Variants in DLGAP2 observed in about 807,000 individuals in gnomAD.
DLGAP2 encodes the protein DLG associated protein 2.
Under a neutral mutation model 100.3 loss-of-function variants are expected in DLGAP2, and 26 were observed. That is an observed-to-expected ratio of 0.26 (90% CI 0.19 to 0.36). The LOEUF (loss-of-function observed/expected upper bound fraction) is 0.36, where lower values mean the gene tolerates loss of function less well. Among genes scored for constraint, DLGAP2 ranks in the 10% least tolerant of loss-of-function variants. The pLI, the probability that DLGAP2 is intolerant of heterozygous loss-of-function variation, is 1.00. For synonymous variants in DLGAP2, 886 were observed against 630.1 expected (o/e 1.41, Z -6.08); for missense variants, 1,858 against 1,453.2 (o/e 1.28, Z -4.53).
intron 2 of DLGAP2, among the ~76,000 whole-genome samples, chr8:1,202,496 G>A (rs1006445350): frequency 3.3e-5 from 5 of 152,162 alleles, no homozygotes; most frequent in African/African-American, 1.2e-4. Context: ...GGAAGAAGGA[G>A]ATGTCAGACA....
chr8:1,133,727 A>T (rs1448408690), intron 2 of DLGAP2, among the ~76,000 whole-genome samples: 1 of 152,250 alleles, frequency 6.6e-6, no homozygotes, highest in East Asian at 1.9e-4. Context: ...CAATAGAATT[A>T]AGAGTAATCT....
At chr8:1,308,160 C>A (rs1247723312) in intron 3 of DLGAP2, among the ~76,000 whole-genome samples, 2 of 152,114 alleles carry the variant, frequency 1.3e-5, no homozygotes, top group Non-Finnish European at 2.9e-5. Flanking sequence ...AGCCAGGGTA[C>A]GTGTGGAAGA....
At chr8:1,055,656 C>T (rs775553906) in intron 2 of DLGAP2, among the ~76,000 whole-genome samples, 7 of 152,158 alleles carry the variant, frequency 4.6e-5, no homozygotes, top group Non-Finnish European at 8.8e-5. Flanking sequence ...TCGGATAGGC[C>T]GTTGGTCACC....
At chr8:1,679,881 G>T (rs1044444594) in intron 12 of DLGAP2, among the ~76,000 whole-genome samples, 1 of 150,738 alleles carries the variant, frequency 6.6e-6, no homozygotes, top group African/African-American at 2.5e-5. Flanking sequence ...TTGGGAGGCT[G>T]AGGCAGGAAA....
At chr8:1,336,851 A>T (rs1801286709) in intron 3 of DLGAP2, among the ~76,000 whole-genome samples, 2 of 152,208 alleles carry the variant, frequency 1.3e-5, no homozygotes, top group Admixed American at 6.5e-5. Context: ...ACTGCAAAGG[A>T]ATTTAAGGAG....
chr8:1,455,676 T>C (rs1798292604), intron 3 of DLGAP2, among the ~76,000 whole-genome samples: 1 of 152,170 alleles, frequency 6.6e-6, no homozygotes, highest in African/African-American at 2.4e-5. Context: ...CCCCCATTTA[T>C]ATATTAATTA....
rs566940772 is a variant in DLGAP2 at position 897,463 on chromosome 8, C to T, written c.19-10449C>T. ...TTTTCTTAAGGACATTTCAGCGATG[C>T]TTCCTCACAGTTGTAAAAATTGTTG... On this transcript the variant is annotated intron_variant, in intron 1 of 14. Coordinates refer to ENST00000637795, the MANE Select transcript of DLGAP2 (RefSeq NM_001346810.2). Among the ~76,000 whole-genome samples the T allele has an allele frequency of 5.9e-5, 9 of 152,346 alleles. No individual in the cohort carries two copies. In the South Asian group the frequency reaches 1.7e-3, roughly 28 times the overall value.
intron 3 of DLGAP2, among the ~76,000 whole-genome samples, chr8:1,485,341 A>T (rs923248107): frequency 3.9e-4 from 59 of 152,306 alleles, no homozygotes; most frequent in African/African-American, 1.3e-3. Context: ...CATAGGCAGG[A>T]CTTATCTATG....
chr8:750,560 G>C (rs756081970), intron 1 of DLGAP2, among the ~76,000 whole-genome samples: 2 of 152,200 alleles, frequency 1.3e-5, no homozygotes, highest in Non-Finnish European at 2.9e-5. Context: ...GGTCAAAATT[G>C]CCAATGAATG....
rs553155857 is a variant in DLGAP2 at position 1,514,486 on chromosome 8, A to C, written c.172+13055A>C. ...GAACAGCGAGAAAATATTGTGTTGGAGAATATAAAAGGAAATAATATGAAT... is the reference window on the plus strand; with the variant it reads ...GAACAGCGAGAAAATATTGTGTTGGCGAATATAAAAGGAAATAATATGAAT... On this transcript the variant is annotated intron_variant, in intron 4 of 14. Transcript: ENST00000637795. 2.6e-5 allele frequency among the ~76,000 whole-genome samples: 4 copies of C among 152,354 alleles called. No individual in the cohort carries two copies. The East Asian group carries it at 7.7e-4, about 29-fold the overall frequency.
intron 3 of DLGAP2, among the ~76,000 whole-genome samples, chr8:1,440,534 G>A (rs762659609): frequency 6.6e-6 from 1 of 152,208 alleles, no homozygotes; most frequent in Non-Finnish European, 1.5e-5. Context: ...TCTGTTAGCC[G>A]TGCAAATGTT....
intron 2 of DLGAP2, among the ~76,000 whole-genome samples, chr8:925,813 C>T (rs1798802437): frequency 1.3e-5 from 2 of 152,142 alleles, no homozygotes; most frequent in Admixed American, 6.5e-5. Context: ...CCCATGTGTC[C>T]ATTCTAGCAT....
At chr8:1,140,127 A>C (rs2129050362) in intron 2 of DLGAP2, among the ~76,000 whole-genome samples, 1 of 152,322 alleles carries the variant, frequency 6.6e-6, no homozygotes, top group Non-Finnish European at 1.5e-5. Context: ...ATTACAAGGA[A>C]ACCTAGATTC....
chr8:997,855 CACATACACACAA>C (rs1167408559), intron 2 of DLGAP2, among the ~76,000 whole-genome samples: 1 of 146,052 alleles, frequency 6.8e-6, no homozygotes, highest in Non-Finnish European at 1.6e-5. Context: ...CATACATACA[CACATACACACAA>C]ACACACATAC....
At chr8:942,804 C>G (rs1799225385) in intron 2 of DLGAP2, among the ~76,000 whole-genome samples, 1 of 152,164 alleles carries the variant, frequency 6.6e-6, no homozygotes, top group Non-Finnish European at 1.5e-5. Flanking sequence ...AGGTAGAATT[C>G]ATTACAGTGA....
intron 1 of DLGAP2, among the ~76,000 whole-genome samples, chr8:745,306 A>T (rs983492248): frequency 6.6e-6 from 1 of 152,220 alleles, no homozygotes; most frequent in African/African-American, 2.4e-5. Flanking sequence ...AACAATTGAG[A>T]ATTGTAGTTT....
chr8:778,532 T>C (rs1204846170), intron 1 of DLGAP2, among the ~76,000 whole-genome samples: 2 of 152,238 alleles, frequency 1.3e-5, no homozygotes, highest in Non-Finnish European at 2.9e-5. Flanking sequence ...TCAGTGTGGA[T>C]GTCCTTTCTG....
intron 2 of DLGAP2, among the ~76,000 whole-genome samples, chr8:1,025,502 C>T (rs1801771465): frequency 6.6e-6 from 1 of 152,132 alleles, no homozygotes; most frequent in Admixed American, 6.5e-5. Context: ...CTAAAAGAAG[C>T]ACAAAGAGTT....
chr8:979,101 G>C (rs766541949), intron 2 of DLGAP2, among the ~76,000 whole-genome samples: 1 of 152,056 alleles, frequency 6.6e-6, no homozygotes, highest in African/African-American at 2.4e-5. Context: ...TTCTAAATTG[G>C]GGGTGGGGGA....
Sources: allele counts gnomAD v4.1 joint callset (sites outside exome capture counted in the v4.1 genomes callset), GRCh38; gene constraint gnomAD v4.1.1; transcripts MANE v1.5; gene names NCBI Gene and HGNC (gene_info 2026-07-23, HGNC 2026-07-21).